ISM2: variants seen among roughly 807,000 people sequenced by gnomAD.
The protein encoded by ISM2 is isthmin-2.
A neutral mutation model predicts 58.0 loss-of-function variants in ISM2; 50 were observed. The observed-to-expected ratio is 0.86, with a 90% confidence interval of 0.69 to 1.09. The LOEUF is 1.09. ISM2 is among the 50% of genes least tolerant of loss of function. The pLI, the probability that ISM2 is intolerant of heterozygous loss-of-function variation, is 0.00. For missense variants in ISM2, 723 were observed against 745.0 expected, an observed-to-expected ratio of 0.97 and a Z score of 0.34; for synonymous variants, 303 against 312.4, an observed-to-expected ratio of 0.97 and a Z score of 0.32.
chr14:77,498,485 TG>T, intron 1 of ISM2, 167 bp downstream of exon 1: 2 of 1,207,420 alleles, frequency 1.7e-6, no homozygotes, highest in South Asian at 1.4e-5. Context: ...CCGGCGCACC[TG>T]GGCAACGCCC....
In ISM2 at chr14:77,493,835, G is replaced by A. The variant is rs61992419; in HGVS notation, c.141+4818C>T. 9.3e-3 allele frequency among the ~76,000 whole-genome samples: 1,411 copies of A among 151,876 alleles called. 23 individuals carry two copies. The highest frequency in any genetic ancestry group is 0.032 in the African/African-American group (1,314 of 41,396). On this transcript the variant is annotated intron_variant, in intron 1 of 6. Transcript: ENST00000342219. ...CGCTCAGGCTGGAATGCAGTGGCGC[G>A]ATCTTGGCTCACTGCAAGCTCGGTC...
chr14:77,484,660 C>G lies in ISM2; in HGVS notation c.384+17G>C, dbSNP rs1566755680. 8.1e-6 allele frequency: 13 copies of G among 1,602,340 alleles called. No individual in the cohort carries two copies. The highest frequency in any genetic ancestry group is 1.0e-5 in the Non-Finnish European group (12 of 1,176,468). On this transcript the variant is annotated intron_variant, in intron 2 of 6. Coordinates refer to ENST00000342219, the MANE Select transcript of ISM2 (RefSeq NM_199296.3). ...CCAGGCAGAGCCAGGAGCTGCTGGC[C>G]CTTCTGTAGCTCTCACCTGGGTATC...
chr14:77,489,031 G>A (rs937644101), intron 1 of ISM2, among the ~76,000 whole-genome samples: 1 of 152,088 alleles, frequency 6.6e-6, no homozygotes, highest in African/African-American at 2.4e-5. Context: ...ATCTTTACCA[G>A]TTCTCTCTCT....
chr14:77,497,764 AGGGAGGGAAGGAAGG>A (rs1331360761), intron 1 of ISM2, among the ~76,000 whole-genome samples: 1 of 66,616 alleles, frequency 1.5e-5, no homozygotes, highest in Admixed American at 1.9e-4. Context: ...GGAGGGAGGG[AGGGAGGGAAGGAAGG>A]AAGGAAGGAA....
chr14:77,483,933 T>G, intron 3 of ISM2: 1 of 173,500 alleles, frequency 5.8e-6, no homozygotes, highest in Admixed American at 5.4e-5. Flanking sequence ...CTCCATTCCA[T>G]ACTGAACCCC....
intron 1 of ISM2, among the ~76,000 whole-genome samples, chr14:77,488,544 C>T (rs1349531590): frequency 6.6e-6 from 1 of 152,194 alleles, no homozygotes; most frequent in African/African-American, 2.4e-5. Flanking sequence ...GGTTCAATCC[C>T]AACATGTACA....
chr14:77,480,107 T>G, intron 4 of ISM2, among the ~76,000 whole-genome samples: 1 of 152,028 alleles, frequency 6.6e-6, no homozygotes, highest in Admixed American at 6.6e-5. Context: ...TTGCTTAAAC[T>G]CAGGAGTTCG....
chr14:77,495,067 G>A lies in ISM2; in HGVS notation c.141+3586C>T, dbSNP rs115630995. Among the ~76,000 whole-genome samples, 702 of 151,714 alleles carry A rather than the reference G, an allele frequency of 4.6e-3. 5 individuals are homozygous for A. Among genetic ancestry groups the A allele is most frequent in the African/African-American group, 0.016 (677 of 41,380 alleles). On this transcript the variant is annotated intron_variant, in intron 1 of 6. Transcript: ENST00000342219. Reference sequence around the variant, plus strand: ...GCTCAGCTAATTTTTGTATTTTTTGGGGGGTAGAGATGGGTTTTCGCCATG... The same window carrying A: ...GCTCAGCTAATTTTTGTATTTTTTGAGGGGTAGAGATGGGTTTTCGCCATG...
rs1406775632 is a variant in ISM2 at position 77,478,501 on chromosome 14, A to C, written c.1114+74T>G. ...TGCATCCCATCTCCCAAGCCCACCC[A>C]CATTCCCAGGGGACCAAGCCTCCAG... is the stretch of plus-strand genomic sequence containing the variant. On this transcript the variant is annotated intron_variant, in intron 5 of 6. Coordinates refer to ENST00000342219, the MANE Select transcript of ISM2 (RefSeq NM_199296.3). 20 of 1,564,126 alleles carry C rather than the reference A, an allele frequency of 1.3e-5. No homozygotes were observed. The Admixed American group carries it at 3.5e-4, about 28-fold the overall frequency.
intron 1 of ISM2, among the ~76,000 whole-genome samples, chr14:77,493,116 GC>G (rs1221304865): frequency 1.3e-5 from 2 of 152,050 alleles, no homozygotes; most frequent in East Asian, 3.9e-4. Flanking sequence ...TCCCACTTCA[GC>G]CCCCAGTAGC....
chr14:77,487,012 C>T (rs888550251), intron 1 of ISM2, among the ~76,000 whole-genome samples: 9 of 151,622 alleles, frequency 5.9e-5, no homozygotes, highest in African/African-American at 1.5e-4. Context: ...GAGGCTGAGG[C>T]GGGTGGATCA....
chr14:77,478,092 G>T, intron 6 of ISM2, 150 bp downstream of exon 6: 1 of 691,498 alleles, frequency 1.4e-6, no homozygotes, highest in South Asian at 1.8e-5. Context: ...AAATGCCAGG[G>T]CCCCCTGTTG....
chr14:77,477,903 A>T (rs890457326), intron 6 of ISM2, among the ~76,000 whole-genome samples: 1 of 152,144 alleles, frequency 6.6e-6, no homozygotes, highest in Non-Finnish European at 1.5e-5. Flanking sequence ...CTCCAGACAG[A>T]GCCTGCCCAG....
chr14:77,496,307 G>A (rs902155422), intron 1 of ISM2, among the ~76,000 whole-genome samples: 9 of 150,448 alleles, frequency 6.0e-5, no homozygotes, highest in African/African-American at 2.2e-4. Flanking sequence ...TGACCAACAT[G>A]CAGAAACCCC....
At chr14:77,498,313 G>A in intron 1 of ISM2, 1 of 1,366,658 alleles carries the variant, frequency 7.3e-7, no homozygotes, top group South Asian at 1.2e-5. Flanking sequence ...GAGCTAGCGC[G>A]CACCTGGAAA....
intron 3 of ISM2, 117 bp from the exon 4 acceptor site, chr14:77,482,784 G>A: frequency 1.5e-6 from 1 of 652,466 alleles, no homozygotes; most frequent in Non-Finnish European, 2.6e-6. Context: ...CTTCAAACCA[G>A]CTGTCTTCTC....
In ISM2 at chr14:77,475,770, C is replaced by T; in HGVS notation, c.1541G>A (p.Ser514Asn). Reference sequence around the variant, plus strand: ...GTGCAGCTTAGGTGAGAAGTCGGTGCTGATGAGGTTGGGCATGCCGGCGCC... The same window carrying T: ...GTGCAGCTTAGGTGAGAAGTCGGTGTTGATGAGGTTGGGCATGCCGGCGCC... Reference protein sequence around the residue: ...GKGAGMPNLISTDFSPKLHFK... With the variant: ...GKGAGMPNLINTDFSPKLHFK... Residue 514 changes from serine to asparagine, a missense_variant, in exon 7 of 7, where the codon AGC (serine) becomes AAC (asparagine). By Grantham distance (46) the Ser-to-Asn change is conservative (BLOSUM62 1). Coordinates refer to ENST00000342219, the MANE Select transcript of ISM2 (RefSeq NM_199296.3). The surrounding 1 kb of genome is among the most constrained non-coding windows in gnomAD (Gnocchi z 4.1). 1.2e-6 allele frequency: 2 copies of T among 1,613,514 alleles called. No homozygotes were observed. Among genetic ancestry groups the T allele is most frequent in the African/African-American group, 1.3e-5 (1 of 74,898 alleles).
At chr14:77,479,433 G>C (rs1299614920) in intron 4 of ISM2, among the ~76,000 whole-genome samples, 1 of 151,358 alleles carries the variant, frequency 6.6e-6, no homozygotes. Context: ...GCCCAGGCTG[G>C]AGTGCAGTGG....
chr14:77,478,361 C>T (rs145840006), intron 5 of ISM2, 36 bp from the exon 6 acceptor site: 78 of 1,564,088 alleles, frequency 5.0e-5, no homozygotes, highest in East Asian at 3.4e-4. Flanking sequence ...GGTGGCTCCG[C>T]AGGCCACCTC....
Sources: gnomAD v4.1 joint callset for allele counts (sites outside exome capture counted in the v4.1 genomes callset) on GRCh38, gnomAD v4.1.1 for gene constraint, Gnocchi (gnomAD v3.1) non-coding constraint, MANE v1.5 for transcripts, NCBI Gene and HGNC (gene_info 2026-07-23, HGNC 2026-07-21) for gene names.